GALNT13: variants seen among roughly 807,000 people sequenced by gnomAD.
The protein encoded by GALNT13 is UDP-GalNAc:polypeptide N-acetylgalactosaminyltransferase 13.
A neutral mutation model predicts 64.2 loss-of-function variants in GALNT13; 28 were observed. That is an observed-to-expected ratio of 0.44 (90% confidence interval 0.32 to 0.60). The LOEUF (loss-of-function observed/expected upper bound fraction) is 0.60. GALNT13 is among the 20% of genes least tolerant of loss of function. The pLI is 0.05. For synonymous variants in GALNT13, 214 were observed against 224.6 expected, an observed-to-expected ratio of 0.95 and a Z score of 0.42; for missense variants, 577 against 669.8, an observed-to-expected ratio of 0.86 and a Z score of 1.53.
At chr2:153,611,350 C>T in the GALNT13 span, among the ~76,000 whole-genome samples, 19 of 152,190 alleles carry the variant, frequency 1.2e-4, no homozygotes, top group Middle Eastern at 6.8e-3. Flanking sequence ...CCCCTGCCCC[C>T]CCGTCCGCCT....
intron 3 of GALNT13, among the ~76,000 whole-genome samples, chr2:154,098,966 T>C (rs1220315698): frequency 6.6e-6 from 1 of 151,960 alleles, no homozygotes; most frequent in Non-Finnish European, 1.5e-5. Context: ...CAAATGGAAG[T>C]TCTCTTTTTA....
At chr2:154,126,460 C>T (rs1682268473) in intron 3 of GALNT13, among the ~76,000 whole-genome samples, 1 of 151,708 alleles carries the variant, frequency 6.6e-6, no homozygotes, top group Admixed American at 6.6e-5. Context: ...ATGGTGAAAC[C>T]CCGTCTCTAC....
At chr2:153,273,231 A>T in the GALNT13 span, among the ~76,000 whole-genome samples, 1 of 152,224 alleles carries the variant, frequency 6.6e-6, no homozygotes, top group African/African-American at 2.4e-5. Flanking sequence ...TACCTATGTA[A>T]CAAACCTGCA....
chr2:154,356,704 C>T (rs528866535), intron 9 of GALNT13, among the ~76,000 whole-genome samples: 2 of 151,918 alleles, frequency 1.3e-5, no homozygotes, highest in Non-Finnish European at 2.9e-5. Flanking sequence ...TTTTTATTAC[C>T]TTTGCCATAT....
At chr2:154,145,096 C>T (rs866107950) in intron 4 of GALNT13, among the ~76,000 whole-genome samples, 1 of 124,068 alleles carries the variant, frequency 8.1e-6, no homozygotes, top group Admixed American at 8.3e-5. Flanking sequence ...ATCTATCTAT[C>T]TATCTATATA....
intron 8 of GALNT13, among the ~76,000 whole-genome samples, chr2:154,265,210 A>G (rs1690925085): frequency 6.6e-6 from 1 of 152,010 alleles, no homozygotes; most frequent in South Asian, 2.1e-4. Flanking sequence ...TAAAATGGAC[A>G]ACTTCATTAA....
intron 9 of GALNT13, among the ~76,000 whole-genome samples, chr2:154,341,912 A>G (rs1274552094): frequency 2.6e-5 from 4 of 152,094 alleles, no homozygotes; most frequent in Admixed American, 1.3e-4. Flanking sequence ...TTTCCCAAAG[A>G]TAGAGCCAAG....
chr2:153,157,970 G>T, the GALNT13 span, among the ~76,000 whole-genome samples: 1 of 151,858 alleles, frequency 6.6e-6, no homozygotes, highest in Non-Finnish European at 1.5e-5. Flanking sequence ...GGAACAGAAA[G>T]TTCATAAAAT....
At chr2:153,168,653 A>G in the GALNT13 span, among the ~76,000 whole-genome samples, 1 of 152,202 alleles carries the variant, frequency 6.6e-6, no homozygotes, top group Non-Finnish European at 1.5e-5. Flanking sequence ...GCCCTTGGAT[A>G]AATGTCTTCA....
chr2:153,746,227 A>G, the GALNT13 span, among the ~76,000 whole-genome samples: 2 of 152,154 alleles, frequency 1.3e-5, no homozygotes, highest in African/African-American at 4.8e-5. Flanking sequence ...CAGAGCTCAA[A>G]TTATTTTTTA....
chr2:153,672,770 G>GT, the GALNT13 span, among the ~76,000 whole-genome samples: 25,298 of 143,124 alleles, frequency 0.18, 2,845 homozygotes, highest in East Asian at 0.53. Flanking sequence ...TCCAGGAGGT[G>GT]TTTTTTTTTT....
the GALNT13 span, among the ~76,000 whole-genome samples, chr2:153,817,056 G>A: frequency 2.0e-5 from 3 of 152,150 alleles, no homozygotes; most frequent in African/African-American, 4.8e-5. Flanking sequence ...ATGTAATAAG[G>A]TTTGGCAGAA....
the GALNT13 span, among the ~76,000 whole-genome samples, chr2:153,254,509 A>G: frequency 6.6e-6 from 1 of 152,074 alleles, no homozygotes; most frequent in Non-Finnish European, 1.5e-5. Flanking sequence ...GCCTTCTGCT[A>G]GCTTTTGAAT....
At chr2:153,439,560 A>G in the GALNT13 span, among the ~76,000 whole-genome samples, 1 of 152,108 alleles carries the variant, frequency 6.6e-6, no homozygotes, top group Non-Finnish European at 1.5e-5. Flanking sequence ...TTGCAGTTTG[A>G]TCTCAGACTG....
chr2:153,102,147 T>A, the GALNT13 span, among the ~76,000 whole-genome samples: 1 of 152,138 alleles, frequency 6.6e-6, no homozygotes, highest in Admixed American at 6.6e-5. Context: ...TCTTGGGAAC[T>A]CTGTGTCTGT....
the GALNT13 span, chr2:153,357,496 C>G: frequency 6.6e-6 from 1 of 152,102 alleles, no homozygotes; most frequent in Non-Finnish European, 1.5e-5. Flanking sequence ...TTCTACTTGC[C>G]TGTGTACTAA....
chr2:153,492,448 C>T, the GALNT13 span, among the ~76,000 whole-genome samples: 2 of 152,194 alleles, frequency 1.3e-5, no homozygotes, highest in African/African-American at 2.4e-5. Context: ...TTTAGAGTTG[C>T]TGCTTTGCAG....
chr2:153,261,241 C>T, the GALNT13 span, among the ~76,000 whole-genome samples: 1 of 152,040 alleles, frequency 6.6e-6, no homozygotes, highest in African/African-American at 2.4e-5. Flanking sequence ...ATTGTGCTTT[C>T]CTGTATTGTC....
chr2:154,237,518 TTATA>T (rs10624007), intron 4 of GALNT13, among the ~76,000 whole-genome samples: 7 of 142,796 alleles, frequency 4.9e-5, no homozygotes, highest in African/African-American at 1.8e-4. Flanking sequence ...TCTGCCAGCT[TTATA>T]TATATATATA....
Sources: gnomAD v4.1 joint callset for allele counts (sites outside exome capture counted in the v4.1 genomes callset) on GRCh38, gnomAD v4.1.1 for gene constraint, MANE v1.5 for transcripts, NCBI Gene and HGNC (gene_info 2026-07-23, HGNC 2026-07-21) for gene names.